Variants in USP7 observed in about 807,000 individuals in gnomAD.
USP7 encodes ubiquitin C-terminal hydrolase 7.
A neutral mutation model predicts 162.9 loss-of-function variants in USP7; 9 were observed. The observed-to-expected ratio is 0.06, with a 90% CI of 0.03 to 0.10. USP7 has a LOEUF of 0.10. USP7 is among the 10% of genes least tolerant of loss of function. The pLI, the probability that USP7 is intolerant of heterozygous loss-of-function variation, is 1.00. For synonymous variants in USP7, 562 were observed against 475.9 expected, an observed-to-expected ratio of 1.18 and a Z score of -2.35; for missense variants, 715 against 1,373.7, an observed-to-expected ratio of 0.52 and a Z score of 7.58.
intron 12 of USP7, among the ~76,000 whole-genome samples, chr16:8,907,695 A>G (rs532903744): frequency 1.3e-5 from 2 of 152,232 alleles, no homozygotes; most frequent in East Asian, 3.9e-4. Flanking sequence ...TACAAAAATT[A>G]GCCAGGTACT....
chr16:8,918,359 ATGTC>A lies in USP7; in HGVS notation c.720+668_720+671del, dbSNP rs530035505. Among the ~76,000 whole-genome samples the A allele has an allele frequency of 1.4e-4, 21 of 152,366 alleles. No homozygotes were observed. In the East Asian group the frequency reaches 3.9e-3, roughly 28 times the overall value. ...AACTCATCTATATTAGATTTAATGT[ATGTC>A]TATTCTTTTTGTTAAAATTTTCAAT... On this transcript the variant is annotated intron_variant, in intron 6 of 30. Coordinates refer to ENST00000344836, the MANE Select transcript of USP7 (RefSeq NM_003470.3).
chr16:8,895,004 G>A lies in USP7; in HGVS notation c.3039+27C>T, dbSNP rs745879408. The A allele has an allele frequency of 6.8e-6, 11 of 1,614,160 alleles. No homozygotes were observed. In the South Asian group the frequency reaches 9.9e-5, roughly 14 times the overall value. On this transcript the variant is annotated intron_variant, in intron 28 of 30. Coordinates refer to ENST00000344836, the MANE Select transcript of USP7 (RefSeq NM_003470.3). ...TCAAAGGCTCCAGGTTTTGACGTGA[G>A]CCACTCGGCCAACCACAACAGCATA...
At chr16:8,915,658 T>G in intron 8 of USP7, 133 bp from the exon 9 acceptor site, 1 of 787,752 alleles carries the variant, frequency 1.3e-6, no homozygotes, top group Admixed American at 3.0e-5. Context: ...TGGCATGCAA[T>G]TCTCAAAAAC....
intron 11 of USP7, among the ~76,000 whole-genome samples, chr16:8,908,797 G>A (rs2061898817): frequency 2.0e-5 from 3 of 152,168 alleles, no homozygotes; most frequent in Admixed American, 1.3e-4. Flanking sequence ...TGCAAATTAT[G>A]GAGAACCACA....
At chr16:8,939,230 C>G (rs1423879602) in intron 1 of USP7, among the ~76,000 whole-genome samples, 4 of 152,174 alleles carry the variant, frequency 2.6e-5, no homozygotes, top group Non-Finnish European at 5.9e-5. Flanking sequence ...CACAAGGATC[C>G]CTCCAGTGGC....
intron 9 of USP7, 41 bp from the exon 10 acceptor site, chr16:8,915,385 T>G: frequency 1.2e-6 from 2 of 1,612,784 alleles, no homozygotes; most frequent in East Asian, 2.2e-5. Context: ...CTAGTAATAG[T>G]CAAAAAATTC....
Position 8,963,751 on chromosome 16 carries a change from C to A in USP7, c.-466G>T, listed in dbSNP as rs1900117791. On this transcript the variant is annotated 5_prime_UTR_variant, in exon 1 of 31. Coordinates refer to ENST00000344836, the MANE Select transcript of USP7 (RefSeq NM_003470.3). ...GCGGCGGGCCTGCGGGCCCTGGGGC[C>A]GGCGGGAGCGGCGGAGCGGGCGGGC... 6.9e-6 allele frequency among the ~76,000 whole-genome samples: 1 copy of A among 144,486 alleles called. No homozygotes were observed. The highest frequency in any genetic ancestry group is 1.5e-5 in the Non-Finnish European group (1 of 65,240). The allele number at this position is 144,486 out of a possible 152,430, so 94.8% of individuals were successfully genotyped here. A position where few individuals can be genotyped will look rare whatever the true frequency, so the allele number is the denominator to read the frequency against.
At chr16:8,912,257 C>T (rs941175237) in intron 10 of USP7, among the ~76,000 whole-genome samples, 8 of 151,796 alleles carry the variant, frequency 5.3e-5, no homozygotes, top group African/African-American at 1.5e-4. Context: ...TTCCAGACCA[C>T]CCTGGCCAAC....
At chr16:8,957,446 C>CA (rs1899853670) in intron 1 of USP7, among the ~76,000 whole-genome samples, 1 of 151,908 alleles carries the variant, frequency 6.6e-6, no homozygotes, top group African/African-American at 2.4e-5. Flanking sequence ...GTTACTCATG[C>CA]AAAAAACCAT....
At chr16:8,948,651 C>T (rs981182012) in intron 1 of USP7, among the ~76,000 whole-genome samples, 1 of 152,104 alleles carries the variant, frequency 6.6e-6, no homozygotes, top group Admixed American at 6.5e-5. Flanking sequence ...TATTATTCTG[C>T]GAGAAAAGGG....
chr16:8,919,336 T>A (rs1897549280), intron 5 of USP7, among the ~76,000 whole-genome samples, 197 bp from the exon 6 acceptor site: 1 of 151,894 alleles, frequency 6.6e-6, no homozygotes, highest in African/African-American at 2.4e-5. Context: ...ACCCCCACAT[T>A]CGCACAGCCC....
At chr16:8,929,271 A>G (rs546335582) in intron 2 of USP7, 15 of 337,584 alleles carry the variant, frequency 4.4e-5, no homozygotes, top group Non-Finnish European at 7.6e-5. Context: ...CAAAAGCCCA[A>G]CAACCAGCGA....
Position 8,892,101 on chromosome 16 carries a change from GAA to G in USP7, c.*1895_*1896del, listed in dbSNP as rs1375925456. ...CGGAAACATTACAACACGTTCTTTG[GAA>G]AAAGAGTCATTTAATACCTTAAGGG... On this transcript the variant is annotated 3_prime_UTR_variant, in exon 31 of 31. Coordinates refer to ENST00000344836, the MANE Select transcript of USP7 (RefSeq NM_003470.3). 6.6e-6 allele frequency: 1 copy of G among 152,164 alleles called. No homozygotes were observed. Among genetic ancestry groups the G allele is most frequent in the African/African-American group, 2.4e-5 (1 of 41,432 alleles). 9.4% of individuals were successfully genotyped at this position (152,164 alleles called of 1,614,324 possible). A position where few individuals can be genotyped will look rare whatever the true frequency, so the allele number is the denominator to read the frequency against.
chr16:8,950,427 TG>T (rs1248143525), intron 1 of USP7, among the ~76,000 whole-genome samples: 1 of 152,250 alleles, frequency 6.6e-6, no homozygotes, highest in African/African-American at 2.4e-5. Context: ...TAACAGCTTC[TG>T]ATTTCCAAAG....
intron 6 of USP7, 43 bp downstream of exon 6, chr16:8,918,988 A>C (rs760084400): frequency 6.3e-7 from 1 of 1,597,340 alleles, no homozygotes; most frequent in South Asian, 1.1e-5. Flanking sequence ...CTGAGAAGAA[A>C]GGGTGAGCGG....
At chr16:8,948,665 G>A (rs1567245122) in intron 1 of USP7, among the ~76,000 whole-genome samples, 1 of 152,288 alleles carries the variant, frequency 6.6e-6, no homozygotes, top group South Asian at 2.1e-4. Context: ...AAAAGGGAAC[G>A]ACTACTGGCT....
chr16:8,925,644 C>T (rs886230243), intron 2 of USP7, among the ~76,000 whole-genome samples: 12 of 152,188 alleles, frequency 7.9e-5, no homozygotes, highest in African/African-American at 1.4e-4. Context: ...GAGGCCACCG[C>T]GCATCCGTCT....
Position 8,898,563 on chromosome 16 carries a change from G to T in USP7, c.2608C>A (p.Pro870Thr). ...TLRDLLQFFK[P>T]RQPKKLYYQQ... ...TAGTAAAGTTTCTTAGGTTGTCTAG[G>T]CTTGAAGAACTGTAGAAGATCTCTT... The change falls in exon 24 of 31, where the codon CCT becomes ACT. Residue 870 changes from proline to threonine, a missense_variant. Coordinates refer to ENST00000344836, the MANE Select transcript of USP7 (RefSeq NM_003470.3). The T allele has an allele frequency of 6.2e-7, 1 of 1,612,264 alleles. No homozygotes were observed. Among genetic ancestry groups the T allele is most frequent in the South Asian group, 1.1e-5 (1 of 90,490 alleles).
At chr16:8,940,922 G>A (rs1180784939) in intron 1 of USP7, among the ~76,000 whole-genome samples, 1 of 152,160 alleles carries the variant, frequency 6.6e-6, no homozygotes, top group Non-Finnish European at 1.5e-5. Context: ...GTAATCAAGT[G>A]GGGGTGAAGG....
Sources: gnomAD v4.1 joint callset for allele counts (sites outside exome capture counted in the v4.1 genomes callset) on GRCh38, gnomAD v4.1.1 for gene constraint, MANE v1.5 for transcripts, NCBI Gene and HGNC (gene_info 2026-07-23, HGNC 2026-07-21) for gene names.